Variants in HNMT observed in about 807,000 individuals in gnomAD.
HNMT encodes the protein histamine N-methyltransferase.
In HNMT, 30 loss-of-function variants were observed where a neutral mutation model predicts 32.1. The ratio of observed to expected loss-of-function variants is 0.93; its 90% CI spans 0.70 to 1.27. HNMT has a LOEUF of 1.27. Among genes scored for constraint, HNMT ranks in the 50% most tolerant of loss-of-function variants. The pLI is 0.00. For synonymous variants in HNMT, 125 were observed against 119.0 expected, an observed-to-expected ratio of 1.05 and a Z score of -0.33; for missense variants, 327 against 346.0, an observed-to-expected ratio of 0.95 and a Z score of 0.43.
At chr2:137,979,252 A>G (rs1229273863) in intron 2 of HNMT, among the ~76,000 whole-genome samples, 2 of 150,268 alleles carry the variant, frequency 1.3e-5, no homozygotes, top group Admixed American at 6.7e-5. Context: ...TGAATTTTAC[A>G]TAAATGTATA....
At chr2:138,012,132 T>C (rs1681524732) in intron 5 of HNMT, among the ~76,000 whole-genome samples, 1 of 152,182 alleles carries the variant, frequency 6.6e-6, no homozygotes, top group Non-Finnish European at 1.5e-5. Context: ...AACTAATTCA[T>C]GTATTTTATA....
At chr2:138,007,998 C>A (rs377439620) in intron 5 of HNMT, among the ~76,000 whole-genome samples, 1 of 152,014 alleles carries the variant, frequency 6.6e-6, no homozygotes, top group East Asian at 1.9e-4. Context: ...TCTTTTTTAA[C>A]TTTTATTTTA....
intron 2 of HNMT, among the ~76,000 whole-genome samples, chr2:137,982,390 G>C (rs1308557430): frequency 1.3e-5 from 2 of 152,116 alleles, no homozygotes; most frequent in African/African-American, 4.8e-5. Flanking sequence ...CATACAGCTT[G>C]TGTGAAAGCA....
At chr2:138,012,649 C>G (rs563678286) in intron 5 of HNMT, among the ~76,000 whole-genome samples, 1 of 152,244 alleles carries the variant, frequency 6.6e-6, no homozygotes, top group South Asian at 2.1e-4. Context: ...GTAGGTATCT[C>G]AAATTTATAT....
intron 2 of HNMT, among the ~76,000 whole-genome samples, chr2:137,997,532 GGC>G (rs2104969294): frequency 6.6e-6 from 1 of 152,334 alleles, no homozygotes; most frequent in South Asian, 2.1e-4. Context: ...AATAGATGCT[GGC>G]AAAGCCGTGG....
At chr2:137,998,798 G>T (rs984187138) in intron 2 of HNMT, among the ~76,000 whole-genome samples, 1 of 152,124 alleles carries the variant, frequency 6.6e-6, no homozygotes, top group Non-Finnish European at 1.5e-5. Context: ...GGATATAATT[G>T]CATTTCAGTT....
chr2:137,985,596 G>A (rs3100725), intron 2 of HNMT, among the ~76,000 whole-genome samples: 37,796 of 151,926 alleles, frequency 0.25, 4,934 homozygotes, highest in Admixed American at 0.31. Flanking sequence ...TCATGCATCC[G>A]TCTAACCAGC....
chr2:138,000,977 A>C lies in HNMT; in HGVS notation c.250A>C (p.Asn84His). 6.2e-7 allele frequency: 1 copy of C among 1,609,752 alleles called. No individual in the cohort carries two copies. Residue 84 changes from asparagine (N) to histidine (H), a missense_variant, in exon 3 of 6, where the codon AAC becomes CAC. By Grantham distance (68) the Asn-to-His change is moderately conservative. Transcript: ENST00000280097. ...GGCTCAATACCCAGGAGTTTGTATC[A>C]ACAATGAAGTTGTTGAGCCAAGTGC... ...VQAQYPGVCINNEVVEPSAEQ... is the reference protein window; with the variant it reads ...VQAQYPGVCIHNEVVEPSAEQ...
chr2:137,983,683 C>T (rs1338278319), intron 2 of HNMT, among the ~76,000 whole-genome samples: 2 of 152,070 alleles, frequency 1.3e-5, no homozygotes, highest in Non-Finnish European at 2.9e-5. Flanking sequence ...GGGGAAATGA[C>T]AGGACAAAGG....
chr2:137,988,578 A>AT (rs2104953851), intron 2 of HNMT: 1 of 152,284 alleles, frequency 6.6e-6, no homozygotes, highest in Admixed American at 6.5e-5. Context: ...AGAGGATTAT[A>AT]TACATCTTTT....
chr2:137,980,791 C>T (rs1680469997), intron 2 of HNMT, among the ~76,000 whole-genome samples: 1 of 152,030 alleles, frequency 6.6e-6, no homozygotes, highest in Non-Finnish European at 1.5e-5. Flanking sequence ...ATATTTTATA[C>T]TCATATTTTC....
chr2:138,001,996 C>A, intron 3 of HNMT, 68 bp from the exon 4 acceptor site: 1 of 1,257,160 alleles, frequency 8.0e-7, no homozygotes, highest in Non-Finnish European at 1.1e-6. Context: ...CATTAAAATT[C>A]TAAATGGAAA....
rs1173328124 is a variant in HNMT at position 138,010,435 on chromosome 2, ACACACG to A, written c.524-3334_524-3329del. ...AGGAATAAAAGGCTCAATAAAAAAG[ACACACG>A]CACACACACACACACACACACACAC... is the stretch of plus-strand genomic sequence containing the variant. On this transcript the variant is annotated intron_variant, in intron 5 of 5. Transcript: ENST00000280097. Among the ~76,000 whole-genome samples the A allele has an allele frequency of 3.4e-3, 300 of 87,310 alleles. 4 individuals are homozygous for A. Among genetic ancestry groups the A allele is most frequent in the African/African-American group, 0.013 (285 of 22,488 alleles). The allele number at this position is 87,310 out of a possible 152,430, so 57.3% of individuals were successfully genotyped here.
intron 2 of HNMT, chr2:137,981,454 CAA>C (rs761470590): frequency 8.2e-7 from 1 of 1,224,780 alleles, no homozygotes; most frequent in African/African-American, 1.5e-5. Context: ...TTGAAAATTG[CAA>C]AGTCTTCACA....
Position 138,005,200 on chromosome 2 carries a change from T to A in HNMT, c.498T>A (p.Ala166=). 1 of 1,598,778 alleles carries A rather than the reference T, an allele frequency of 6.3e-7. No homozygotes were observed. The part of the protein sequence containing the change: ...KFFHSLLGTN[A]KMLIIVVSGS... Reference sequence around the variant, plus strand: ...TCCATAGTCTCTTAGGTACCAATGCTAAGATGCTCATTATTGTTGTGTCAG... The same window carrying A: ...TCCATAGTCTCTTAGGTACCAATGCAAAGATGCTCATTATTGTTGTGTCAG... Residue 166 remains alanine (A), a synonymous_variant, in exon 5 of 6, where the codon GCT becomes GCA. Transcript: ENST00000280097.
chr2:137,970,934 AAAGAAAGAAAG>A (rs1404834156), intron 2 of HNMT, among the ~76,000 whole-genome samples: 16 of 26,854 alleles, frequency 6.0e-4, no homozygotes, highest in East Asian at 1.1e-3. Context: ...AAAAAAAAAA[AAAGAAAGAAAG>A]AAAGAAAGAA....
At chr2:137,969,835 G>T (rs1318743916) in intron 1 of HNMT, among the ~76,000 whole-genome samples, 1 of 152,042 alleles carries the variant, frequency 6.6e-6, no homozygotes, top group African/African-American at 2.4e-5. Context: ...CTTTATCTAC[G>T]ATGAGTGGCT....
intron 2 of HNMT, among the ~76,000 whole-genome samples, chr2:137,970,536 T>C (rs1459664806): frequency 6.6e-6 from 1 of 152,208 alleles, no homozygotes; most frequent in Non-Finnish European, 1.5e-5. Context: ...GAAAATCTCA[T>C]AATAAGCTTC....
intron 2 of HNMT, chr2:137,988,605 T>G (rs974130110): frequency 2.0e-5 from 3 of 152,184 alleles, no homozygotes; most frequent in Non-Finnish European, 2.9e-5. Flanking sequence ...CCGGACGTGG[T>G]TACTCACGCC....
Sources: gnomAD v4.1 joint callset for allele counts (sites outside exome capture counted in the v4.1 genomes callset) on GRCh38, gnomAD v4.1.1 for gene constraint, MANE v1.5 for transcripts, NCBI Gene and HGNC (gene_info 2026-07-23, HGNC 2026-07-21) for gene names.